Variants in TLL2 observed in about 807,000 individuals in gnomAD.
The protein encoded by TLL2 is tolloid like 2.
A neutral mutation model predicts 123.0 loss-of-function variants in TLL2; 106 were observed. That is an observed-to-expected ratio of 0.86 (90% CI 0.74 to 1.01). The LOEUF is 1.01. Ranked by LOEUF, TLL2 falls within the 50% of genes least tolerant of loss-of-function variation. TLL2 has a pLI of 0.00. For synonymous variants in TLL2, 494 were observed against 516.8 expected (o/e 0.96, Z 0.60); for missense variants, 1,332 against 1,336.7 (o/e 1.00, Z 0.06).
Position 96,420,412 on chromosome 10 carries a change from G to A in TLL2, c.923+544C>T, listed in dbSNP as rs190010136. Among the ~76,000 whole-genome samples the A allele has an allele frequency of 2.4e-4, 37 of 152,256 alleles. No homozygotes were observed. In the East Asian group the frequency reaches 6.2e-3, roughly 25 times the overall value. On this transcript the variant is annotated intron_variant, in intron 7 of 20. Coordinates refer to ENST00000357947, the MANE Select transcript of TLL2 (RefSeq NM_012465.4). ...CGGCCCAGCCCTACTTGAATACAGC[G>A]GCTTCCATCATCTGTGACCTGCAGG...
intron 1 of TLL2, among the ~76,000 whole-genome samples, chr10:96,481,595 T>G (rs1382707368): frequency 2.0e-5 from 3 of 152,246 alleles, no homozygotes; most frequent in Non-Finnish European, 4.4e-5. Context: ...CTCTATGTTA[T>G]GCAGTGACGG....
intron 10 of TLL2, among the ~76,000 whole-genome samples, chr10:96,402,882 G>A (rs765350712): frequency 2.6e-5 from 4 of 152,140 alleles, no homozygotes; most frequent in Non-Finnish European, 5.9e-5. Flanking sequence ...GCTCGGTCTA[G>A]CAGTGACACC....
chr10:96,407,326 C>T (rs1846460834), intron 9 of TLL2, among the ~76,000 whole-genome samples: 1 of 152,086 alleles, frequency 6.6e-6, no homozygotes, highest in Non-Finnish European at 1.5e-5. Flanking sequence ...ATCTTTGCCT[C>T]TTTGGAACGC....
intron 1 of TLL2, among the ~76,000 whole-genome samples, chr10:96,497,813 G>C (rs1847492275): frequency 2.0e-5 from 3 of 152,204 alleles, no homozygotes; most frequent in Non-Finnish European, 2.9e-5. Context: ...CTGACTTATA[G>C]AGCTTTGCTA....
Position 96,513,828 on chromosome 10 carries a change from C to G in TLL2, c.-143G>C, listed in dbSNP as rs955341013. 11 of 882,284 alleles carry G rather than the reference C, an allele frequency of 1.2e-5. No homozygotes were observed. The highest frequency in any genetic ancestry group is 1.7e-5 in the Non-Finnish European group (11 of 641,126). The allele number at this position is 882,284 out of a possible 1,614,324, so 54.7% of individuals were successfully genotyped here. ...TGCTGGGCATGGCTCAGGCGCGGAGCAAGCGGAGCGCGGCGCCCCCTGTCT... is the reference window on the plus strand; with the variant it reads ...TGCTGGGCATGGCTCAGGCGCGGAGGAAGCGGAGCGCGGCGCCCCCTGTCT... On this transcript the variant is annotated 5_prime_UTR_variant, in exon 1 of 21. Transcript: ENST00000357947.
chr10:96,483,252 G>T (rs1342359465), intron 1 of TLL2, among the ~76,000 whole-genome samples: 1 of 152,174 alleles, frequency 6.6e-6, no homozygotes, highest in Non-Finnish European at 1.5e-5. Flanking sequence ...TCCAGATGTG[G>T]CTAAGAATAA....
In TLL2 at chr10:96,375,453, G is replaced by T. The variant is rs539820143; in HGVS notation, c.2448+1239C>A. 10 of 152,228 alleles carry T rather than the reference G, an allele frequency of 6.6e-5. 1 individual carries two copies. The highest frequency in any genetic ancestry group is 2.4e-4 in the African/African-American group (10 of 41,536). The allele number at this position is 152,228 out of a possible 1,614,324, so 9.4% of individuals were successfully genotyped here. ...TTGCGCGCTCCCAACGCCAGAAGGC[G>T]CCTCCCCCGAGGTCCTCGGGGCTCT... On this transcript the variant is annotated intron_variant, in intron 18 of 20. Transcript: ENST00000357947.
chr10:96,511,243 G>A (rs1169787700), intron 1 of TLL2, among the ~76,000 whole-genome samples: 3 of 152,238 alleles, frequency 2.0e-5, no homozygotes, highest in Non-Finnish European at 2.9e-5. Flanking sequence ...GCAGTGTCCC[G>A]CTAGCCAAGA....
At position 96,447,053 on chromosome 10, in the gene TLL2, T is replaced by A. The variant is rs559454976; in HGVS notation, c.287-885A>T. On this transcript the variant is annotated intron_variant, in intron 2 of 20. Transcript: ENST00000357947. ...ATAGAACGTGATGGGAGGAGCTGCT[T>A]ATCTGGTGGTTGGAGAGGGGCCTCA... is the stretch of plus-strand genomic sequence containing the variant. Among the ~76,000 whole-genome samples the A allele has an allele frequency of 5.9e-5, 9 of 152,302 alleles. No homozygotes were observed. The South Asian group carries it at 1.9e-3, about 32-fold the overall frequency.
chr10:96,471,715 G>T (rs1370202098), intron 2 of TLL2, among the ~76,000 whole-genome samples: 1 of 152,116 alleles, frequency 6.6e-6, no homozygotes, highest in African/African-American at 2.4e-5. Flanking sequence ...AGCCAGAGAC[G>T]CAAACTCAGG....
intron 7 of TLL2, among the ~76,000 whole-genome samples, chr10:96,417,632 TC>T (rs1229143076): frequency 6.6e-6 from 1 of 152,142 alleles, no homozygotes; most frequent in Non-Finnish European, 1.5e-5. Flanking sequence ...GCTTGCAGCT[TC>T]CCCGCTTGCT....
intron 17 of TLL2, among the ~76,000 whole-genome samples, chr10:96,377,506 C>G (rs1199903402): frequency 6.6e-6 from 1 of 152,218 alleles, no homozygotes; most frequent in Non-Finnish European, 1.5e-5. Context: ...TGCATCCTCT[C>G]TTTTAGTCCT....
intron 1 of TLL2, among the ~76,000 whole-genome samples, chr10:96,482,971 G>C (rs186864674): frequency 2.2e-4 from 34 of 152,288 alleles, no homozygotes; most frequent in Admixed American, 7.2e-4. Context: ...TAAGTGCAAG[G>C]TAGCAATAAT....
At position 96,513,604 on chromosome 10, in the gene TLL2, C is replaced by A. The variant is rs773555915; in HGVS notation, c.82G>T (p.Glu28Ter). 5 of 1,603,358 alleles carry A rather than the reference C, an allele frequency of 3.1e-6. No homozygotes were observed. The highest frequency in any genetic ancestry group is 4.2e-6 in the Non-Finnish European group (5 of 1,178,570). ...PLPRGAGGLG[E>*]RPDATADYSE... The stretch of plus-strand genomic sequence containing the variant: ...TAGTCTGCGGTGGCGTCCGGGCGCT[C>A]CCCGAGTCCCCCGGCGCCGCGAGGC... The change falls in exon 1 of 21, where the codon GAG (glutamate) becomes TAG (stop). Residue 28 changes from glutamate (E) to a stop codon, truncating the protein, a stop_gained. Coordinates refer to ENST00000357947, the MANE Select transcript of TLL2 (RefSeq NM_012465.4). LOFTEE classifies it high-confidence loss of function.
intron 2 of TLL2, among the ~76,000 whole-genome samples, chr10:96,459,378 C>G (rs1266149714): frequency 1.3e-5 from 2 of 151,800 alleles, no homozygotes; most frequent in Non-Finnish European, 2.9e-5. Flanking sequence ...CCTGTAATCC[C>G]AGAACTTAGG....
intron 1 of TLL2, among the ~76,000 whole-genome samples, chr10:96,499,162 T>C (rs1847507597): frequency 6.6e-6 from 1 of 152,216 alleles, no homozygotes; most frequent in Non-Finnish European, 1.5e-5. Flanking sequence ...GGTCTCACCT[T>C]GCACCCATGG....
rs1292631717 is a variant in TLL2, at chr10:96,405,241, G to A, written c.1258C>T (p.Pro420Ser). The A allele has an allele frequency of 6.2e-7, 1 of 1,614,010 alleles. No individual in the cohort carries two copies. The highest frequency in any genetic ancestry group is 1.7e-5 in the Admixed American group (1 of 60,016). Residue 420 changes from proline (P) to serine (S), a missense_variant, in exon 10 of 21, where the codon CCC (proline) becomes TCC (serine). Coordinates refer to ENST00000357947, the MANE Select transcript of TLL2 (RefSeq NM_012465.4). ...EVRDGYWRKA[P>S]LLGRFCGDKI... is the part of the protein sequence containing the mutation. Reference sequence around the variant, plus strand: ...TCTAAAGTCAACTTACCCAAAAGGGGGGCTTTTCTCCAGTAACCATCCCGG... The same window carrying A: ...TCTAAAGTCAACTTACCCAAAAGGGAGGCTTTTCTCCAGTAACCATCCCGG...
At chr10:96,384,459 G>A in intron 16 of TLL2, 128 bp downstream of exon 16, 1 of 982,666 alleles carries the variant, frequency 1.0e-6, no homozygotes. Context: ...CCCCCTCCAA[G>A]GCAGCCATAC....
intron 20 of TLL2, among the ~76,000 whole-genome samples, chr10:96,368,981 G>A (rs1415088039): frequency 1.3e-5 from 2 of 152,134 alleles, no homozygotes; most frequent in African/African-American, 4.8e-5. Flanking sequence ...TTTTTTAGAG[G>A]GTGAAAGAAG....
Sources: allele counts gnomAD v4.1 joint callset (sites outside exome capture counted in the v4.1 genomes callset), GRCh38; gene constraint gnomAD v4.1.1; transcripts MANE v1.5; gene names NCBI Gene and HGNC (gene_info 2026-07-23, HGNC 2026-07-21).